The following ME1 variants were observed in gnomAD, a reference collection of about 807,000 sequenced individuals.
The protein encoded by ME1 is NADP-dependent malic enzyme.
ME1 carries 74 observed loss-of-function variants against 66.4 expected under a neutral mutation model. That is an observed-to-expected ratio of 1.11 (90% CI 0.92 to 1.35). The LOEUF (loss-of-function observed/expected upper bound fraction) is 1.35, where lower values mean the gene tolerates loss of function less well. Among genes scored for constraint, ME1 ranks in the 40% most tolerant of loss-of-function variants. The probability of loss-of-function intolerance (pLI) is 0.00; values close to 1 mark genes in which losing one functional copy is unlikely to be tolerated. For synonymous variants in ME1, 251 were observed against 235.6 expected (o/e 1.07, Z -0.60); for missense variants, 750 against 694.1 (o/e 1.08, Z -0.90).
At chr6:83,264,521 G>T (rs1270988394) in intron 6 of ME1, among the ~76,000 whole-genome samples, 2 of 152,108 alleles carry the variant, frequency 1.3e-5, no homozygotes, top group Non-Finnish European at 2.9e-5. Context: ...TCTGGAAAGG[G>T]TTTACCATTC....
intron 2 of ME1, among the ~76,000 whole-genome samples, chr6:83,405,113 C>G (rs1312942320): frequency 2.0e-5 from 3 of 152,142 alleles, no homozygotes; most frequent in African/African-American, 7.2e-5. Context: ...GCCATTTTCA[C>G]AATATTGATT....
chr6:83,363,205 G>T (rs1305032355), intron 3 of ME1, among the ~76,000 whole-genome samples: 2 of 152,052 alleles, frequency 1.3e-5, no homozygotes, highest in African/African-American at 4.8e-5. Flanking sequence ...ACGTTCTGCT[G>T]GCCTAGAGGT....
chr6:83,323,592 G>C (rs924931831), intron 5 of ME1, among the ~76,000 whole-genome samples: 1 of 151,906 alleles, frequency 6.6e-6, no homozygotes, highest in African/African-American at 2.4e-5. Flanking sequence ...AGACAAAGAA[G>C]GCTATTACAT....
chr6:83,322,316 A>G (rs923504680), intron 5 of ME1, among the ~76,000 whole-genome samples: 4 of 152,178 alleles, frequency 2.6e-5, no homozygotes, highest in African/African-American at 9.7e-5. Context: ...TGACTAATTG[A>G]CAAAAGTAGG....
intron 4 of ME1, among the ~76,000 whole-genome samples, chr6:83,347,200 T>C (rs1768705002): frequency 6.6e-6 from 1 of 152,140 alleles, no homozygotes; most frequent in Non-Finnish European, 1.5e-5. Flanking sequence ...GATCCACCCG[T>C]CTCAGCCTTC....
intron 5 of ME1, among the ~76,000 whole-genome samples, chr6:83,328,994 T>C (rs1340979482): frequency 6.6e-6 from 1 of 152,174 alleles, no homozygotes; most frequent in Non-Finnish European, 1.5e-5. Flanking sequence ...TCTGCACCCT[T>C]CAGAATTTAT....
At chr6:83,254,608 A>G (rs547603218) in intron 6 of ME1, among the ~76,000 whole-genome samples, 1 of 152,162 alleles carries the variant, frequency 6.6e-6, no homozygotes, top group South Asian at 2.1e-4. Context: ...TAGAGAGAAC[A>G]TTATTAACCT....
chr6:83,296,042 A>C (rs1356377452), intron 6 of ME1, among the ~76,000 whole-genome samples: 3 of 152,142 alleles, frequency 2.0e-5, no homozygotes, highest in African/African-American at 4.8e-5. Context: ...TATCACCCCC[A>C]AAAAAGCCCA....
intron 5 of ME1, among the ~76,000 whole-genome samples, chr6:83,341,103 C>T (rs1412139140): frequency 2.0e-5 from 3 of 152,060 alleles, no homozygotes; most frequent in Non-Finnish European, 2.9e-5. Context: ...ATCGGTCAAC[C>T]TGGAGACTGA....
intron 1 of ME1, among the ~76,000 whole-genome samples, chr6:83,410,246 T>A (rs570085865): frequency 1.6e-4 from 24 of 152,282 alleles, no homozygotes; most frequent in Non-Finnish European, 3.5e-4. Context: ...ATATTTATAA[T>A]TCATTAGAAT....
At chr6:83,392,826 T>A in intron 3 of ME1, 6 of 740,730 alleles carry the variant, frequency 8.1e-6, no homozygotes, top group Non-Finnish European at 1.4e-5. Context: ...GTGTGAACCA[T>A]GAGAAATATG....
At chr6:83,347,960 C>A (rs1768720548) in intron 4 of ME1, among the ~76,000 whole-genome samples, 1 of 152,170 alleles carries the variant, frequency 6.6e-6, no homozygotes, top group African/African-American at 2.4e-5. Context: ...GCTCTTTTCA[C>A]CATACCACAT....
chr6:83,350,319 T>C (rs1562487486), intron 4 of ME1, among the ~76,000 whole-genome samples: 1 of 152,150 alleles, frequency 6.6e-6, no homozygotes, highest in East Asian at 1.9e-4. Flanking sequence ...AGCTTATGAA[T>C]AAAGTTAAAG....
At chr6:83,424,576 T>C (rs2127697979) in intron 1 of ME1, among the ~76,000 whole-genome samples, 1 of 151,326 alleles carries the variant, frequency 6.6e-6, no homozygotes, top group African/African-American at 2.4e-5. Flanking sequence ...AAATTGGCAA[T>C]GGCTACAAGC....
intron 1 of ME1, among the ~76,000 whole-genome samples, chr6:83,420,716 T>C (rs2128553409): frequency 6.6e-6 from 1 of 152,250 alleles, no homozygotes; most frequent in Non-Finnish European, 1.5e-5. Flanking sequence ...TAAAACAGTG[T>C]TACTTCAAGA....
chr6:83,222,685 G>A (rs1040399707), intron 12 of ME1, among the ~76,000 whole-genome samples: 3 of 152,082 alleles, frequency 2.0e-5, no homozygotes, highest in Non-Finnish European at 2.9e-5. Flanking sequence ...GGGAGGAGGA[G>A]GGAAACTGAT....
At chr6:83,422,987 T>C (rs144645699) in intron 1 of ME1, among the ~76,000 whole-genome samples, 136 of 152,150 alleles carry the variant, frequency 8.9e-4, no homozygotes, top group African/African-American at 3.0e-3. Flanking sequence ...AAAAGACATA[T>C]ACTTACAGAA....
Position 83,289,570 on chromosome 6 carries a change from T to A in ME1, c.704+25740A>T, listed in dbSNP as rs144111714. Among the ~76,000 whole-genome samples, 7 of 152,342 alleles carry A rather than the reference T, an allele frequency of 4.6e-5. No homozygotes were observed. The East Asian group carries it at 1.3e-3, about 29-fold the overall frequency. On this transcript the variant is annotated intron_variant, in intron 6 of 13. Transcript: ENST00000369705. ...TTGAGGATTTTCACATCAATGTTCA[T>A]CAGGGATATTGGCCTGAAATTTTCT...
intron 6 of ME1, among the ~76,000 whole-genome samples, chr6:83,293,254 C>T (rs555931693): frequency 3.3e-5 from 5 of 152,242 alleles, no homozygotes; most frequent in Admixed American, 2.0e-4. Flanking sequence ...TAGACCAGAG[C>T]GTTCCTATTC....
Sources: gnomAD v4.1 joint callset for allele counts (sites outside exome capture counted in the v4.1 genomes callset) on GRCh38, gnomAD v4.1.1 for gene constraint, MANE v1.5 for transcripts, NCBI Gene and HGNC (gene_info 2026-07-23, HGNC 2026-07-21) for gene names.